The following TAF6 variants were observed in gnomAD, a reference collection of about 807,000 sequenced individuals.
TAF6 encodes the protein TATA-box binding protein associated factor 6.
Under a neutral mutation model 73.5 loss-of-function variants are expected in TAF6, and 50 were observed. That is an observed-to-expected ratio of 0.68 (90% confidence interval 0.54 to 0.86). The LOEUF (loss-of-function observed/expected upper bound fraction) is 0.86. Ranked by LOEUF, TAF6 falls within the 40% of genes least tolerant of loss-of-function variation. TAF6 has a pLI of 0.00. For synonymous variants in TAF6, 424 were observed against 376.7 expected (o/e 1.13, Z -1.45); for missense variants, 768 against 899.5 (o/e 0.85, Z 1.87).
intron 1 of TAF6, among the ~76,000 whole-genome samples, chr7:100,117,803 G>A (rs1797789614): frequency 6.6e-6 from 1 of 151,626 alleles, no homozygotes; most frequent in East Asian, 2.0e-4. Context: ...AGCACTTTGG[G>A]AGGCCGAGGC....
At chr7:100,111,015 A>G (rs1310829737) in intron 10 of TAF6, 124 bp downstream of exon 10, 2 of 1,156,776 alleles carry the variant, frequency 1.7e-6, no homozygotes, top group Non-Finnish European at 2.4e-6. Context: ...GACAAGCCTC[A>G]AGACCCTTAG....
upstream of TAF6, chr7:100,122,839 TG>T: frequency 6.2e-7 from 1 of 1,613,668 alleles, no homozygotes; most frequent in South Asian, 1.1e-5. Flanking sequence ...GGGGTGAAGG[TG>T]GATCTGGGGA....
intron 1 of TAF6, chr7:100,118,982 C>T: frequency 1.3e-5 from 13 of 985,412 alleles, no homozygotes; most frequent in Non-Finnish European, 1.6e-5. Context: ...CCAGTAAAGG[C>T]TCATAAAACA....
rs1301299615 is a variant in TAF6 at position 100,110,051 on chromosome 7, G to A, written c.1181C>T (p.Pro394Leu). Reference sequence around the variant, plus strand: ...CCGCTCCCCTTCCTGCTGCAGCCGGGGCAGAATCAGAGTCTTGATAACCTG... The same window carrying A: ...CCGCTCCCCTTCCTGCTGCAGCCGGAGCAGAATCAGAGTCTTGATAACCTG... ...GHDVIKTLIL[P>L]RLQQEGERIR... Residue 394 changes from proline to leucine, a missense_variant, in exon 12 of 15, where the codon CCC becomes CTC. Coordinates refer to ENST00000453269, the MANE Select transcript of TAF6 (RefSeq NM_139315.3). 1.2e-6 allele frequency: 2 copies of A among 1,613,922 alleles called. No homozygotes were observed. The highest frequency in any genetic ancestry group is 1.7e-6 in the Non-Finnish European group (2 of 1,180,012).
At chr7:100,124,369 AT>A (rs1798157483), upstream of TAF6, 1 of 631,726 alleles carries the variant, frequency 1.6e-6, no homozygotes, top group Non-Finnish European at 2.8e-6. Flanking sequence ...TGTTGAATGA[AT>A]GAGGATTGCA....
upstream of TAF6, chr7:100,121,112 ATATATTTTTTTTTTTTTTTTTTTTTTT>A (rs1465900618): frequency 3.3e-5 from 1 of 30,718 alleles, no homozygotes; most frequent in African/African-American, 1.6e-4. Context: ...ATATATATAT[ATATATTTTTTTTTTTTTTTTTTTTTTT>A]TTTTTTTTTT....
Position 100,113,844 on chromosome 7 carries a change from C to CA in TAF6, c.243+23_243+24insT, listed in dbSNP as rs11434791. 9,286 of 1,612,676 alleles carry CA rather than the reference C, an allele frequency of 5.8e-3. 502 individuals are homozygous for CA. The African/African-American group carries it at 0.11, about 19-fold the overall frequency. On this transcript the variant is annotated intron_variant, in intron 3 of 14. Transcript: ENST00000453269. Reference sequence around the variant, plus strand: ...GGCTGAAGGATGGCGTCTCACCCCCCCCCCGCCTGTCTCCCCAAATCACCT... The same window carrying CA: ...GGCTGAAGGATGGCGTCTCACCCCCCACCCCGCCTGTCTCCCCAAATCACCT...
At chr7:100,117,160 T>G (rs907766262) in intron 1 of TAF6, among the ~76,000 whole-genome samples, 1 of 151,708 alleles carries the variant, frequency 6.6e-6, no homozygotes, top group Non-Finnish European at 1.5e-5. Flanking sequence ...GCAGGAGAAT[T>G]GCTTGAACCC....
upstream of TAF6, chr7:100,123,032 T>C: frequency 2.8e-6 from 3 of 1,081,082 alleles, no homozygotes; most frequent in Non-Finnish European, 3.8e-6. Flanking sequence ...GTGAGGACTG[T>C]GCCATTGATT....
chr7:100,113,512 G>C, intron 4 of TAF6, 104 bp downstream of exon 4: 1 of 1,543,850 alleles, frequency 6.5e-7, no homozygotes, highest in Middle Eastern at 1.8e-4. Flanking sequence ...CAACTCACCA[G>C]GGATCTCACA....
intron 1 of TAF6, chr7:100,118,593 G>C (rs1797876207): frequency 6.6e-6 from 1 of 152,116 alleles, no homozygotes; most frequent in Non-Finnish European, 1.5e-5. Flanking sequence ...GGAGTTGGAG[G>C]CTGCAGTGAG....
chr7:100,113,735 G>A lies in TAF6; in HGVS notation c.278C>T (p.Pro93Leu), dbSNP rs1235533185. ...LYGFHAQEFI[P>L]FRFASGGGRE... ...GCCCCCACCAGAGGCGAAGCGGAAAGGAATGAACTCCTGGGCGTGGAAGCC... is the reference window on the plus strand; with the variant it reads ...GCCCCCACCAGAGGCGAAGCGGAAAAGAATGAACTCCTGGGCGTGGAAGCC... The change falls in exon 4 of 15, where the codon CCT becomes CTT. Residue 93 changes from proline to leucine, a missense_variant. Coordinates refer to ENST00000453269, the MANE Select transcript of TAF6 (RefSeq NM_139315.3). 3 of 1,613,962 alleles carry A rather than the reference G, an allele frequency of 1.9e-6. No homozygotes were observed. The highest frequency in any genetic ancestry group is 2.5e-6 in the Non-Finnish European group (3 of 1,180,024).
intron 10 of TAF6, among the ~76,000 whole-genome samples, chr7:100,110,868 A>C (rs1313419015): frequency 6.6e-6 from 1 of 151,670 alleles, no homozygotes; most frequent in East Asian, 1.9e-4. Flanking sequence ...TGTAATCCCA[A>C]GTACTCAAGA....
Position 100,109,967 on chromosome 7 carries a change from T to C in TAF6, c.1265A>G (p.His422Arg). 1 of 1,614,170 alleles carries C rather than the reference T, an allele frequency of 6.2e-7. No homozygotes were observed. The highest frequency in any genetic ancestry group is 8.5e-7 in the Non-Finnish European group (1 of 1,180,016). Residue 422 changes from histidine to arginine, a missense_variant, in exon 12 of 15, where the codon CAT becomes CGT. His to Arg is a conservative substitution (Grantham distance 29). Coordinates refer to ENST00000453269, the MANE Select transcript of TAF6 (RefSeq NM_139315.3). ...AGTCACCAGCAGGAGGCTCTGCACA[T>C]GGTCTGCTCCAATCCGGTCAATGTT... is the stretch of plus-strand genomic sequence containing the variant. Reference protein sequence around the residue: ...LSNIDRIGADHVQSLLLKHCA... With the variant: ...LSNIDRIGADRVQSLLLKHCA...
At chr7:100,124,574 G>C, upstream of TAF6, 1 of 1,612,932 alleles carries the variant, frequency 6.2e-7, no homozygotes, top group Non-Finnish European at 8.5e-7. Flanking sequence ...CCACCATCAG[G>C]AGCAGCCCCT....
intron 6 of TAF6, 55 bp from the exon 7 acceptor site, chr7:100,112,308 A>G (rs1797258356): frequency 6.3e-7 from 1 of 1,580,984 alleles, no homozygotes; most frequent in East Asian, 2.2e-5. Flanking sequence ...AAACCTCAGT[A>G]ACAGAAGAAC....
intron 1 of TAF6, chr7:100,115,672 AAG>A (rs1797612325): frequency 6.6e-6 from 1 of 151,534 alleles, no homozygotes; most frequent in South Asian, 2.1e-4. Context: ...AAAAAAAAAA[AAG>A]GTAAAAAAAT....
upstream of TAF6, chr7:100,122,458 C>G: frequency 6.2e-7 from 1 of 1,614,036 alleles, no homozygotes; most frequent in South Asian, 1.1e-5. Context: ...TCCAGGGAAT[C>G]TTTGTTTCCT....
chr7:100,120,084 A>AC (rs202216160), upstream of TAF6: 944 of 422,770 alleles, frequency 2.2e-3, 3 homozygotes, highest in African/African-American at 0.01. Flanking sequence ...CTGGCTTGGA[A>AC]CCCCCCGCCC....
Sources: gnomAD v4.1 joint callset for allele counts (sites outside exome capture counted in the v4.1 genomes callset) on GRCh38, gnomAD v4.1.1 for gene constraint, MANE v1.5 for transcripts, NCBI Gene and HGNC (gene_info 2026-07-23, HGNC 2026-07-21) for gene names.